Variants in KIF13A observed in about 807,000 individuals in gnomAD.
KIF13A encodes kinesin-like protein KIF13A.
In KIF13A, 79 loss-of-function variants were observed where a neutral mutation model predicts 212.2. The ratio of observed to expected loss-of-function variants is 0.37; its 90% CI spans 0.31 to 0.45. The LOEUF (loss-of-function observed/expected upper bound fraction) is 0.45, where lower values mean the gene tolerates loss of function less well. Ranked by LOEUF, KIF13A falls within the 20% of genes least tolerant of loss-of-function variation. KIF13A has a pLI of 1.00. For missense variants in KIF13A, 1,901 were observed against 2,209.0 expected (o/e 0.86, Z 2.79); for synonymous variants, 789 against 808.6 (o/e 0.98, Z 0.41).
chr6:17,781,861 C>G (rs1241700653), intron 29 of KIF13A, among the ~76,000 whole-genome samples: 1 of 152,006 alleles, frequency 6.6e-6, no homozygotes. Flanking sequence ...CTCCTGAACT[C>G]AAGCAGTCCT....
chr6:17,894,063 C>T (rs1772332172), intron 3 of KIF13A, among the ~76,000 whole-genome samples: 1 of 151,768 alleles, frequency 6.6e-6, no homozygotes, highest in African/African-American at 2.4e-5. Flanking sequence ...TGGTCTTGAT[C>T]TCCTGACCTC....
chr6:17,987,070 T>C lies in KIF13A; in HGVS notation c.130A>G (p.Thr44Ala). 1.2e-6 allele frequency: 2 copies of C among 1,612,594 alleles called. No homozygotes were observed. The highest frequency in any genetic ancestry group is 1.7e-6 in the Non-Finnish European group (2 of 1,178,666). The part of the protein sequence containing the change: ...QTVLHPPPSN[T>A]KQGERKPPKV... ...CCGCTTTACCTTTCTCCCTGTTTGGTGTTAGAAGGAGGAGGGTGCAGGACC... is the reference window on the plus strand; with the variant it reads ...CCGCTTTACCTTTCTCCCTGTTTGGCGTTAGAAGGAGGAGGGTGCAGGACC... The change falls in exon 2 of 39, where the codon ACC becomes GCC. Residue 44 changes from threonine to alanine, a missense_variant. Thr to Ala is a moderately conservative substitution (Grantham distance 58, BLOSUM62 0). This residue lies in a region of KIF13A where 506 missense variants were observed against 637.4 expected (regional missense o/e 0.79). Coordinates refer to ENST00000259711, the MANE Select transcript of KIF13A (RefSeq NM_022113.6). This position sits in a 1 kb window ranked among gnomAD's most constrained non-coding sequence, Gnocchi z 7.7.
rs1219106417 is a variant in KIF13A at position 17,961,383 on chromosome 6, A to G, written c.146+25671T>C. 2.0e-5 allele frequency among the ~76,000 whole-genome samples: 3 copies of G among 152,226 alleles called. No individual in the cohort carries two copies. The highest frequency in any genetic ancestry group is 2.9e-5 in the Non-Finnish European group (2 of 68,040). On this transcript the variant is annotated intron_variant, in intron 2 of 38. Coordinates refer to ENST00000259711, the MANE Select transcript of KIF13A (RefSeq NM_022113.6). The surrounding 1 kb of genome is among the most constrained non-coding windows in gnomAD (Gnocchi z 4.1). ...GATAGGCAATAAATCATGTCCCAGC[A>G]TGAAAGGGACCTAAAACCACCCCAA... is the stretch of plus-strand genomic sequence containing the variant.
chr6:17,978,253 CTTTAT>C (rs1393122112), intron 2 of KIF13A, among the ~76,000 whole-genome samples: 3 of 152,158 alleles, frequency 2.0e-5, no homozygotes, highest in South Asian at 4.1e-4. Context: ...GATGTGAAAA[CTTTAT>C]TTTGTTTTTA....
rs983218026 is a variant in KIF13A at position 17,773,982 on chromosome 6, T to A, written c.4219-399A>T. Among the ~76,000 whole-genome samples the A allele has an allele frequency of 4.6e-5, 7 of 152,204 alleles. No individual in the cohort carries two copies. Among genetic ancestry groups the A allele is most frequent in the African/African-American group, 1.7e-4 (7 of 41,454 alleles). On this transcript the variant is annotated intron_variant, in intron 35 of 38. Transcript: ENST00000259711. The surrounding 1 kb of genome is among the most constrained non-coding windows in gnomAD (Gnocchi z 4.2). ...CAACTGTTCCATTAGTAATTCTGCC[T>A]GGGTAGAAGGCACAGCTGAGACTGT...
intron 6 of KIF13A, among the ~76,000 whole-genome samples, chr6:17,854,565 T>TTTTTTTTG (rs1169776532): frequency 7.3e-6 from 1 of 136,906 alleles, no homozygotes; most frequent in Non-Finnish European, 1.6e-5. Context: ...TTTTTTTTTT[T>TTTTTTTTG]TTTTTTTTGA....
Position 17,987,142 on chromosome 6 carries a change from G to A in KIF13A, c.58C>T (p.Leu20=). 6.2e-7 allele frequency: 1 copy of A among 1,611,178 alleles called. No homozygotes were observed. Among genetic ancestry groups the A allele is most frequent in the Non-Finnish European group, 8.5e-7 (1 of 1,177,886 alleles). ...VRVRPMNRRE[L]ELNTKCVVEM... Reference sequence around the variant, plus strand: ...ACCACGCACTTGGTGTTCAGTTCCAGTTCTGAAAGCAGAGAGAAAGGGACG... The same window carrying A: ...ACCACGCACTTGGTGTTCAGTTCCAATTCTGAAAGCAGAGAGAAAGGGACG... The change falls in exon 2 of 39, where the codon CTG becomes TTG. Residue 20 remains leucine (L), a splice_region_variant and synonymous_variant. Coordinates refer to ENST00000259711, the MANE Select transcript of KIF13A (RefSeq NM_022113.6). This position sits in a 1 kb window ranked among gnomAD's most constrained non-coding sequence, Gnocchi z 7.7.
In KIF13A at chr6:17,849,705, TG is replaced by T. The variant is rs1767442274; in HGVS notation, c.718-217del. Among the ~76,000 whole-genome samples the T allele has an allele frequency of 6.6e-6, 1 of 152,230 alleles. No homozygotes were observed. The highest frequency in any genetic ancestry group is 1.5e-5 in the Non-Finnish European group (1 of 68,042). ...GAAATGTAGCATTTTGTTTTGCAGCTGGGTAGCAAGTACACCCAGCTTTCTG... is the reference window on the plus strand; with the variant it reads ...GAAATGTAGCATTTTGTTTTGCAGCTGGTAGCAAGTACACCCAGCTTTCTG... On this transcript the variant is annotated intron_variant, in intron 8 of 38. Transcript: ENST00000259711. This position sits in a 1 kb window ranked among gnomAD's most constrained non-coding sequence, Gnocchi z 5.7.
rs1762076791 is a variant in KIF13A, at chr6:17,796,831, T to G, written c.2791-11A>C. 3.4e-6 allele frequency: 5 copies of G among 1,474,582 alleles called. No individual in the cohort carries two copies. The highest frequency in any genetic ancestry group is 2.4e-5 in the Admixed American group (1 of 41,996). 91.3% of individuals were successfully genotyped at this position (1,474,582 alleles called of 1,614,324 possible). ...ATTCACCACATAGTCCTGGGATAAG[T>G]GGGGGAAAGCAAAAGAATTATGCTT... On this transcript the variant is annotated splice_polypyrimidine_tract_variant and intron_variant, in intron 22 of 38. Transcript: ENST00000259711.
chr6:17,804,811 TAAAAAAAAAAAAAA>T (rs56785510), intron 19 of KIF13A, among the ~76,000 whole-genome samples: 16 of 23,302 alleles, frequency 6.9e-4, no homozygotes, highest in South Asian at 2.4e-3. Context: ...CTGTCTCCAT[TAAAAAAAAAAAAAA>T]AAAAAAAAAA....
chr6:17,760,844 G>A (rs765365649), downstream of KIF13A: 38 of 1,613,692 alleles, frequency 2.4e-5, no homozygotes, highest in Non-Finnish European at 3.2e-5. Flanking sequence ...CTGAGGAGGG[G>A]TGCTTGCTGC....
chr6:17,832,716 A>G (rs1765555856), intron 12 of KIF13A, among the ~76,000 whole-genome samples: 1 of 152,056 alleles, frequency 6.6e-6, no homozygotes, highest in Non-Finnish European at 1.5e-5. Flanking sequence ...GGTGATCTAA[A>G]AATCACAAAA....
downstream of KIF13A, chr6:17,760,519 G>A (rs1758539320): frequency 3.2e-6 from 1 of 310,140 alleles, no homozygotes; most frequent in Admixed American, 4.6e-5. Context: ...AATTGTACAA[G>A]AATAAAGTCT....
At chr6:17,942,345 T>C (rs1777026383) in intron 2 of KIF13A, among the ~76,000 whole-genome samples, 1 of 150,848 alleles carries the variant, frequency 6.6e-6, no homozygotes, top group South Asian at 2.1e-4. Context: ...AATATATATA[T>C]ATATATATAT....
chr6:17,790,740 G>C (rs1195132439), intron 25 of KIF13A, among the ~76,000 whole-genome samples: 1 of 152,152 alleles, frequency 6.6e-6, no homozygotes, highest in African/African-American at 2.4e-5. Flanking sequence ...AATCATCCCA[G>C]GGGAAAGCTG....
At chr6:17,835,956 G>T (rs2147210) in intron 11 of KIF13A, among the ~76,000 whole-genome samples, 1 of 152,012 alleles carries the variant, frequency 6.6e-6, no homozygotes, top group East Asian at 1.9e-4. Context: ...TGTGAACTTA[G>T]AAGTGTCAGA....
chr6:17,815,865 A>G (rs1334202031), intron 17 of KIF13A, among the ~76,000 whole-genome samples: 1 of 150,390 alleles, frequency 6.6e-6, no homozygotes, highest in Non-Finnish European at 1.5e-5. Context: ...GAGTTCTGAT[A>G]TAAGTATTTT....
At chr6:17,814,249 CTTTT>C (rs34056148) in intron 17 of KIF13A, among the ~76,000 whole-genome samples, 20 of 89,562 alleles carry the variant, frequency 2.2e-4, no homozygotes, top group African/African-American at 7.6e-4. Context: ...CAGTGCCCGG[CTTTT>C]TTTTTTTTTT....
chr6:17,955,461 C>T (rs1778272233), intron 2 of KIF13A, among the ~76,000 whole-genome samples: 2 of 152,152 alleles, frequency 1.3e-5, no homozygotes, highest in Admixed American at 1.3e-4. Context: ...GATATCTGAC[C>T]AAACAAATTA....
Sources: allele counts gnomAD v4.1 joint callset (sites outside exome capture counted in the v4.1 genomes callset), GRCh38; gene constraint gnomAD v4.1.1; regional missense constraint gnomAD v4.1.1; non-coding constraint Gnocchi (gnomAD v3.1); transcripts MANE v1.5; gene names NCBI Gene and HGNC (gene_info 2026-07-23, HGNC 2026-07-21).